The following TRPM5 variants were observed in gnomAD, a reference collection of about 807,000 sequenced individuals.
The protein encoded by TRPM5 is transient receptor potential cation channel subfamily M member 5.
In TRPM5, 121 loss-of-function variants were observed where a neutral mutation model predicts 124.9. The ratio of observed to expected loss-of-function variants is 0.97; its 90% confidence interval spans 0.84 to 1.13. TRPM5 has a LOEUF of 1.13. Ranked by LOEUF, TRPM5 falls within the 50% of genes most tolerant of loss-of-function variation. The pLI, the probability that TRPM5 is intolerant of heterozygous loss-of-function variation, is 0.00. For synonymous variants in TRPM5, 781 were observed against 700.5 expected, an observed-to-expected ratio of 1.11 and a Z score of -1.81; for missense variants, 1,643 against 1,589.1, an observed-to-expected ratio of 1.03 and a Z score of -0.58.
intron 2 of TRPM5, 117 bp from the exon 8 acceptor site, chr11:2,421,315 T>C: frequency 7.9e-7 from 1 of 1,270,768 alleles, no homozygotes; most frequent in Non-Finnish European, 1.1e-6. Flanking sequence ...CAGGGGTGGG[T>C]GCTGGGGAAT....
chr11:2,444,392 G>A, the TRPM5 span, among the ~76,000 whole-genome samples: 3 of 151,826 alleles, frequency 2.0e-5, no homozygotes, highest in East Asian at 2.0e-4. Context: ...TCCTGCCCCC[G>A]CTGTGCCGTT....
At chr11:2,414,009 G>GGGGGGGCGCCCCCCCCCC in intron 12 of TRPM5, 52 bp downstream of exon 17, 1 of 1,023,734 alleles carries the variant, frequency 9.8e-7, no homozygotes. Flanking sequence ...GGCCCAGCTC[G>GGGGGGGCGCCCCCCCCCC]CCCGCCCACC....
At chr11:2,425,392 A>G (rs575592181), upstream of TRPM5, among the ~76,000 whole-genome samples, 708 of 151,946 alleles carry the variant, frequency 4.7e-3, 28 homozygotes, top group Non-Finnish European at 1.6e-3. Context: ...TGGTTGCCGC[A>G]TGGTCTGCCT....
At position 2,417,708 on chromosome 11, in the gene TRPM5, C is replaced by A; in HGVS notation, c.1009+19G>T. On this transcript the variant is annotated intron_variant, in intron 7 of 23. Transcript: ENST00000155858. ...AGCCCCCCAATGGCGCCTGCCTTGC[C>A]CACCCTGCCCGCCCTCACCTTTCAC... 3 of 505,086 alleles carry A rather than the reference C, an allele frequency of 5.9e-6. No homozygotes were observed. Among genetic ancestry groups the A allele is most frequent in the South Asian group, 4.7e-5 (3 of 64,160 alleles). 31.3% of individuals were successfully genotyped at this position (505,086 alleles called of 1,614,324 possible). A position where few individuals can be genotyped will look rare whatever the true frequency, so the allele number is the denominator to read the frequency against.
chr11:2,418,709 G>A (rs771745607), intron 4 of TRPM5, 118 bp from the exon 10 acceptor site: 40 of 1,059,962 alleles, frequency 3.8e-5, no homozygotes, highest in Non-Finnish European at 5.2e-5. Context: ...AATAAAGTGT[G>A]GGCTTCGTCT....
At chr11:2,437,362 TG>T in the TRPM5 span, among the ~76,000 whole-genome samples, 1 of 152,078 alleles carries the variant, frequency 6.6e-6, no homozygotes, top group Non-Finnish European at 1.5e-5. The surrounding 1 kb of genome is among the most constrained non-coding windows in gnomAD (Gnocchi z 5.6). Context: ...ATTGCCTTGG[TG>T]GGGAGCCCTG....
chr11:2,426,485 G>A (rs929161794), upstream of TRPM5, among the ~76,000 whole-genome samples: 11 of 152,080 alleles, frequency 7.2e-5, no homozygotes, highest in South Asian at 2.1e-4. Flanking sequence ...AGGGGCCATC[G>A]TGACCCCTGG....
chr11:2,433,439 G>C, the TRPM5 span, among the ~76,000 whole-genome samples: 3 of 152,266 alleles, frequency 2.0e-5, no homozygotes, highest in African/African-American at 7.2e-5. Flanking sequence ...GAGGCCGAGC[G>C]CTGCCCGGGC....
At chr11:2,413,631 G>T in intron 12 of TRPM5, 43 bp from the exon 18 acceptor site, 1 of 1,562,390 alleles carries the variant, frequency 6.4e-7, no homozygotes, top group Non-Finnish European at 8.8e-7. Flanking sequence ...CTGCACCTTT[G>T]CCCAGGCTGC....
At chr11:2,439,704 G>A in the TRPM5 span, among the ~76,000 whole-genome samples, 2 of 152,194 alleles carry the variant, frequency 1.3e-5, no homozygotes, top group Non-Finnish European at 2.9e-5. Context: ...GAGCAGAACA[G>A]GGAACGCTTA....
At position 2,405,392 on chromosome 11, in the gene TRPM5, C is replaced by T. The variant is rs150151304; in HGVS notation, c.3391+135G>A. 904 of 911,640 alleles carry T rather than the reference C, an allele frequency of 9.9e-4. 5 individuals carry two copies. Among genetic ancestry groups the T allele is most frequent in the Middle Eastern group, 5.9e-3 (19 of 3,214 alleles). The allele number at this position is 911,640 out of a possible 1,614,324, so 56.5% of individuals were successfully genotyped here. On this transcript the variant is annotated intron_variant, in intron 23 of 23. Transcript: ENST00000155858. ...GCACCCACACCACCCTGAAGAGCCG[C>T]GTCCAGCCAAGGCCTCCTGAGACTC... is the stretch of plus-strand genomic sequence containing the variant.
chr11:2,418,633 G>T, intron 4 of TRPM5, 42 bp from the exon 10 acceptor site: 1 of 1,579,818 alleles, frequency 6.3e-7, no homozygotes, highest in East Asian at 2.3e-5. Context: ...CCCTCCGCCT[G>T]GGGTGACCAC....
At chr11:2,424,045 G>C (rs1845812385), upstream of TRPM5, among the ~76,000 whole-genome samples, 1 of 152,218 alleles carries the variant, frequency 6.6e-6, no homozygotes, top group Non-Finnish European at 1.5e-5. Flanking sequence ...ACAGGCCGCT[G>C]GGCAGAGGTC....
At chr11:2,440,638 G>T in the TRPM5 span, among the ~76,000 whole-genome samples, 1 of 152,084 alleles carries the variant, frequency 6.6e-6, no homozygotes, top group Admixed American at 6.5e-5. The surrounding 1 kb of genome is among the most constrained non-coding windows in gnomAD (Gnocchi z 5.2). Context: ...CCCCCATCCT[G>T]TGCCCCCTTC....
intron 20 of TRPM5, 103 bp downstream of exon 25, chr11:2,407,016 G>T: frequency 7.2e-7 from 1 of 1,386,546 alleles, no homozygotes; most frequent in Middle Eastern, 2.6e-4. Flanking sequence ...ACAGGGCTGA[G>T]GAGGGGTCCA....
intron 2 of TRPM5, among the ~76,000 whole-genome samples, chr11:2,421,792 G>A (rs990251461): frequency 6.6e-5 from 10 of 152,178 alleles, no homozygotes; most frequent in African/African-American, 2.4e-4. Context: ...GTGGGAGCAG[G>A]GACATCTCAT....
chr11:2,405,910 T>A (rs1189111355), intron 22 of TRPM5, 109 bp downstream of exon 27: 37 of 1,053,592 alleles, frequency 3.5e-5, no homozygotes, highest in Non-Finnish European at 5.1e-5. Flanking sequence ...GTCCTGGCTC[T>A]GGCCTGCCTC....
exon 5 of TRPM5, chr11:2,418,581 G>A: frequency 6.2e-7 from 1 of 1,611,242 alleles, no homozygotes; most frequent in South Asian, 1.1e-5. Context: ...GGATCTCGAT[G>A]CTGCCAGTGC....
exon 22 of TRPM5, chr11:2,406,043 C>G: frequency 6.2e-7 from 1 of 1,612,316 alleles, no homozygotes; most frequent in Non-Finnish European, 8.5e-7. Flanking sequence ...ACTTGATGCG[C>G]TTTTCTTGCT....
Sources: allele counts gnomAD v4.1 joint callset (sites outside exome capture counted in the v4.1 genomes callset), GRCh38; gene constraint gnomAD v4.1.1; non-coding constraint Gnocchi (gnomAD v3.1); transcripts MANE v1.5; gene names NCBI Gene and HGNC (gene_info 2026-07-23, HGNC 2026-07-21).